The following E2F7 variants were observed in gnomAD, a reference collection of about 807,000 sequenced individuals.
The protein encoded by E2F7 is E2F transcription factor 7, also known as transcription factor E2F7.
Under a neutral mutation model 81.1 loss-of-function variants are expected in E2F7, and 35 were observed. The ratio of observed to expected loss-of-function variants is 0.43; its 90% confidence interval spans 0.33 to 0.57. E2F7 has a LOEUF of 0.57. Among genes scored for constraint, E2F7 ranks in the 20% least tolerant of loss-of-function variants. E2F7 has a pLI of 0.04. For missense variants in E2F7, 961 were observed against 1,093.7 expected (o/e 0.88, Z 1.71); for synonymous variants, 416 against 416.2 (o/e 1.00, Z 0.01).
intron 11 of E2F7, among the ~76,000 whole-genome samples, chr12:77,026,503 A>G (rs973508863): frequency 6.6e-6 from 1 of 151,880 alleles, no homozygotes; most frequent in Non-Finnish European, 1.5e-5. Flanking sequence ...GGTTCTTCCT[A>G]TGTTGCCCGG....
At chr12:77,027,836 T>C in intron 11 of E2F7, 47 bp downstream of exon 11, 1 of 1,594,040 alleles carries the variant, frequency 6.3e-7, no homozygotes, top group Non-Finnish European at 8.5e-7. Flanking sequence ...ATCCAATTCT[T>C]GATCTGACTG....
chr12:77,033,392 G>A (rs541825303), intron 8 of E2F7, among the ~76,000 whole-genome samples: 1 of 152,206 alleles, frequency 6.6e-6, no homozygotes, highest in East Asian at 1.9e-4. Flanking sequence ...CACGCCTGTG[G>A]TCCCAGCTAC....
intron 11 of E2F7, 72 bp from the exon 12 acceptor site, chr12:77,026,054 C>T: frequency 2.0e-6 from 3 of 1,468,758 alleles, no homozygotes; most frequent in Non-Finnish European, 2.7e-6. Flanking sequence ...TCACATTTGT[C>T]ATGGCCCTTT....
chr12:77,063,929 C>T (rs896893920), intron 2 of E2F7, among the ~76,000 whole-genome samples: 4 of 152,170 alleles, frequency 2.6e-5, no homozygotes, highest in African/African-American at 7.2e-5. Flanking sequence ...ATTGTTATGG[C>T]CAGTTTACTT....
rs759914996 is a variant in E2F7, at chr12:77,039,871, A to G, written c.1123+3194T>C. 3.9e-5 allele frequency among the ~76,000 whole-genome samples: 6 copies of G among 152,214 alleles called. No homozygotes were observed. In the East Asian group the frequency reaches 1.2e-3, roughly 29 times the overall value. On this transcript the variant is annotated intron_variant, in intron 7 of 12. Transcript: ENST00000322886. ...AGACATGTACATAAATAATCACAGG[A>G]GCTTTATTTATAATAGCCTCTTCAG...
intron 3 of E2F7, among the ~76,000 whole-genome samples, chr12:77,052,184 A>G (rs1016817171): frequency 6.6e-6 from 1 of 152,226 alleles, no homozygotes; most frequent in African/African-American, 2.4e-5. Flanking sequence ...AAGAAAACTC[A>G]GTATCTTAAA....
chr12:77,025,442 C>T, intron 12 of E2F7, 116 bp downstream of exon 12: 1 of 1,185,638 alleles, frequency 8.4e-7, no homozygotes. Flanking sequence ...ACAACGGAAG[C>T]CAGGTGGAGC....
At chr12:77,040,627 A>G (rs899529537) in intron 7 of E2F7, among the ~76,000 whole-genome samples, 2 of 152,232 alleles carry the variant, frequency 1.3e-5, no homozygotes, top group Non-Finnish European at 2.9e-5. Flanking sequence ...CCAAAAAATT[A>G]TAGAAAATAC....
At chr12:77,060,602 C>T (rs546664106) in intron 2 of E2F7, among the ~76,000 whole-genome samples, 1 of 144,720 alleles carries the variant, frequency 6.9e-6, no homozygotes, top group East Asian at 2.5e-4. Context: ...CCCAAACAGT[C>T]CCCCTGCTAC....
In E2F7 at chr12:77,043,150, A is replaced by G; in HGVS notation, c.1038T>C (p.Ala346=). ...CTGTTACATGCACTTTCTTTATCAG[A>G]GCCAAGCTGGTCAGAACATTGGCTA... is the stretch of plus-strand genomic sequence containing the variant. The part of the protein sequence containing the change: ...YDIANVLTSL[A]LIKKVHVTEE... Residue 346 remains alanine (A), a synonymous_variant, in exon 7 of 13, where the codon GCT becomes GCC. Transcript: ENST00000322886. 3.1e-6 allele frequency: 5 copies of G among 1,614,176 alleles called. No homozygotes were observed. The highest frequency in any genetic ancestry group is 1.1e-5 in the South Asian group (1 of 91,092).
chr12:77,041,861 T>C (rs1351215006), intron 7 of E2F7, among the ~76,000 whole-genome samples: 2 of 152,230 alleles, frequency 1.3e-5, no homozygotes, highest in African/African-American at 4.8e-5. Flanking sequence ...GGCACTGTTC[T>C]GGATACTATG....
intron 2 of E2F7, among the ~76,000 whole-genome samples, chr12:77,059,876 T>C (rs997083477): frequency 1.4e-5 from 2 of 146,952 alleles, no homozygotes; most frequent in African/African-American, 5.1e-5. Flanking sequence ...GGCAGGAGAA[T>C]AGCGTGAACC....
chr12:77,038,518 G>C (rs1954871497), intron 7 of E2F7, among the ~76,000 whole-genome samples: 2 of 152,082 alleles, frequency 1.3e-5, no homozygotes, highest in African/African-American at 4.8e-5. Flanking sequence ...TAATTTGTGG[G>C]CCAAAGAAGA....
At chr12:77,064,500 C>T in intron 2 of E2F7, 43 bp downstream of exon 2, 2 of 1,507,672 alleles carry the variant, frequency 1.3e-6, no homozygotes, top group Non-Finnish European at 1.8e-6. Context: ...TCAACATCAC[C>T]ATCCTTAACA....
chr12:77,057,545 G>A (rs117281536), intron 2 of E2F7, among the ~76,000 whole-genome samples: 2 of 152,030 alleles, frequency 1.3e-5, no homozygotes, highest in South Asian at 2.1e-4. Flanking sequence ...CTCAAGTTCC[G>A]TTCTTAATTT....
chr12:77,051,309 T>G (rs2120725984), intron 3 of E2F7, among the ~76,000 whole-genome samples: 1 of 152,334 alleles, frequency 6.6e-6, no homozygotes, highest in East Asian at 1.9e-4. Context: ...AACCCACATT[T>G]GAAAGGGGCT....
chr12:77,048,047 C>T (rs1592563193), intron 4 of E2F7, among the ~76,000 whole-genome samples: 2 of 152,134 alleles, frequency 1.3e-5, no homozygotes, highest in Non-Finnish European at 2.9e-5. Flanking sequence ...GAAGGGAAAA[C>T]AAAATAAGTT....
At chr12:77,035,901 TA>T (rs57931791) in intron 7 of E2F7, among the ~76,000 whole-genome samples, 63,642 of 139,376 alleles carry the variant, frequency 0.46, 15,055 homozygotes, top group Non-Finnish European at 0.56. Context: ...TTCTAGAGAT[TA>T]AAAAAAATAC....
chr12:77,028,194 C>G, intron 10 of E2F7, 56 bp from the exon 11 acceptor site: 1 of 1,374,714 alleles, frequency 7.3e-7, no homozygotes. Context: ...AGTAGTAAAT[C>G]TCTCTTTTTT....
Sources: gnomAD v4.1 joint callset for allele counts (sites outside exome capture counted in the v4.1 genomes callset) on GRCh38, gnomAD v4.1.1 for gene constraint, MANE v1.5 for transcripts, NCBI Gene and HGNC (gene_info 2026-07-23, HGNC 2026-07-21) for gene names.